Variants in HSDL2 observed in about 807,000 individuals in gnomAD.
The protein encoded by HSDL2 is hydroxysteroid dehydrogenase-like protein 2.
HSDL2 carries 27 observed loss-of-function variants against 46.3 expected under a neutral mutation model. That is an observed-to-expected ratio of 0.58 (90% confidence interval 0.43 to 0.80). HSDL2 has a LOEUF of 0.80. Ranked by LOEUF, HSDL2 falls within the 30% of genes least tolerant of loss-of-function variation. The pLI is 0.00. For missense variants in HSDL2, 451 were observed against 502.7 expected, an observed-to-expected ratio of 0.90 and a Z score of 0.98; for synonymous variants, 153 against 163.6, an observed-to-expected ratio of 0.94 and a Z score of 0.50.
rs1832583219 is a variant in HSDL2, at chr9:112,438,781, A to G, written c.793+156A>G. 7.9e-6 allele frequency: 4 copies of G among 509,188 alleles called. No homozygotes were observed. The African/African-American group carries it at 7.9e-5, about 10-fold the overall frequency. 31.5% of individuals were successfully genotyped at this position (509,188 alleles called of 1,614,324 possible). A position where few individuals can be genotyped will look rare whatever the true frequency, so the allele number is the denominator to read the frequency against. On this transcript the variant is annotated intron_variant, in intron 7 of 10. Transcript: ENST00000398805. ...GAAGGAAGAAAACCCATACCAACAC[A>G]ACTTAAAAAAAAAGATGAATGAAAA...
intron 4 of HSDL2, among the ~76,000 whole-genome samples, chr9:112,413,469 G>A (rs1831922625): frequency 6.7e-6 from 1 of 149,726 alleles, no homozygotes; most frequent in Non-Finnish European, 1.5e-5. Context: ...AGAGCAACAA[G>A]TGCGAAATTC....
chr9:112,397,940 C>T (rs1451509885), intron 1 of HSDL2, among the ~76,000 whole-genome samples: 5 of 152,080 alleles, frequency 3.3e-5, no homozygotes, highest in Non-Finnish European at 5.9e-5. Flanking sequence ...CCAGCACGAC[C>T]GGATAAGCCG....
chr9:112,418,106 T>C (rs915119009), intron 5 of HSDL2, among the ~76,000 whole-genome samples: 3 of 152,040 alleles, frequency 2.0e-5, no homozygotes, highest in Non-Finnish European at 4.4e-5. Flanking sequence ...GAGATAATAA[T>C]GTAATTTACC....
chr9:112,455,225 C>T (rs143671809), intron 9 of HSDL2, among the ~76,000 whole-genome samples: 1 of 151,584 alleles, frequency 6.6e-6, no homozygotes, highest in African/African-American at 2.4e-5. Context: ...GCCTGGGCAA[C>T]ATAGTGAGAC....
intron 8 of HSDL2, among the ~76,000 whole-genome samples, chr9:112,444,803 C>T (rs1587958883): frequency 6.6e-6 from 1 of 151,008 alleles, no homozygotes; most frequent in Non-Finnish European, 1.5e-5. Context: ...CCCCTACTCT[C>T]CACTGGAACA....
intron 4 of HSDL2, among the ~76,000 whole-genome samples, chr9:112,413,577 A>C (rs1831927596): frequency 6.6e-6 from 1 of 151,970 alleles, no homozygotes. Flanking sequence ...TTTCTTTTTT[A>C]ATTTGTATTT....
At chr9:112,401,612 GGCCATA>G (rs1453249016) in intron 1 of HSDL2, among the ~76,000 whole-genome samples, 5 of 152,030 alleles carry the variant, frequency 3.3e-5, no homozygotes, top group Non-Finnish European at 7.4e-5. Flanking sequence ...TTTGGCCTGG[GGCCATA>G]GTTTGCAGAC....
At chr9:112,454,185 T>C (rs1832960105) in intron 9 of HSDL2, 23 bp downstream of exon 9, 1 of 1,590,996 alleles carries the variant, frequency 6.3e-7, no homozygotes, top group Non-Finnish European at 8.5e-7. Context: ...TCTGGTAATC[T>C]GAAGTTTTTA....
chr9:112,421,789 T>C (rs1003895492), intron 6 of HSDL2, among the ~76,000 whole-genome samples: 1 of 152,198 alleles, frequency 6.6e-6, no homozygotes, highest in Non-Finnish European at 1.5e-5. Context: ...AGATGACTAC[T>C]GGAATTCATG....
intron 10 of HSDL2, among the ~76,000 whole-genome samples, chr9:112,466,655 T>C (rs1833397860): frequency 6.6e-6 from 1 of 152,214 alleles, no homozygotes; most frequent in Non-Finnish European, 1.5e-5. Flanking sequence ...TTCACTTTCT[T>C]GATGATATAT....
chr9:112,380,382 G>T (rs902524491), intron 1 of HSDL2, among the ~76,000 whole-genome samples: 1 of 152,156 alleles, frequency 6.6e-6, no homozygotes, highest in South Asian at 2.1e-4. Flanking sequence ...ACAAACTTTT[G>T]TATTACAGGA....
At chr9:112,458,421 G>A (rs1023035872) in intron 9 of HSDL2, among the ~76,000 whole-genome samples, 5 of 150,786 alleles carry the variant, frequency 3.3e-5, no homozygotes, top group African/African-American at 7.3e-5. Flanking sequence ...TGCCCCCAAG[G>A]TTCAAACAAT....
chr9:112,436,242 CAAA>C (rs527930574), intron 6 of HSDL2, among the ~76,000 whole-genome samples: 121 of 77,634 alleles, frequency 1.6e-3, no homozygotes, highest in African/African-American at 1.8e-3. Context: ...GACCCTATCT[CAAA>C]AAAAAAAAAA....
At chr9:112,421,639 G>GAT (rs1832126933) in intron 6 of HSDL2, among the ~76,000 whole-genome samples, 1 of 152,140 alleles carries the variant, frequency 6.6e-6, no homozygotes, top group African/African-American at 2.4e-5. Flanking sequence ...TGCCTCAAGT[G>GAT]ATATATCCTC....
intron 1 of HSDL2, 29 bp downstream of exon 1, chr9:112,380,209 G>C (rs1368258473): frequency 6.5e-7 from 1 of 1,546,176 alleles, no homozygotes; most frequent in South Asian, 1.2e-5. Flanking sequence ...CGCGGGGAGA[G>C]ACCCTGTCGG....
At chr9:112,448,942 T>A (rs1196834135) in intron 8 of HSDL2, among the ~76,000 whole-genome samples, 1 of 152,262 alleles carries the variant, frequency 6.6e-6, no homozygotes, top group Admixed American at 6.5e-5. Flanking sequence ...AAAACTTTTA[T>A]TTTATTCAAT....
intron 1 of HSDL2, among the ~76,000 whole-genome samples, chr9:112,402,957 AC>A (rs1000584365): frequency 3.6e-4 from 54 of 150,618 alleles, no homozygotes; most frequent in African/African-American, 8.8e-4. Context: ...AGAAAAAAAA[AC>A]ACACACACAC....
chr9:112,456,914 G>T (rs1175822610), intron 9 of HSDL2, among the ~76,000 whole-genome samples: 2 of 152,130 alleles, frequency 1.3e-5, no homozygotes, highest in African/African-American at 4.8e-5. Flanking sequence ...CAGCACTTTG[G>T]AAGGCCGAGG....
At chr9:112,437,673 C>T (rs761797364) in intron 6 of HSDL2, among the ~76,000 whole-genome samples, 3 of 152,090 alleles carry the variant, frequency 2.0e-5, no homozygotes, top group Non-Finnish European at 4.4e-5. Flanking sequence ...AAGCCTCATA[C>T]GCACTCCATA....
Sources: allele counts gnomAD v4.1 joint callset (sites outside exome capture counted in the v4.1 genomes callset), GRCh38; gene constraint gnomAD v4.1.1; transcripts MANE v1.5; gene names NCBI Gene and HGNC (gene_info 2026-07-23, HGNC 2026-07-21).